Variants in UNC5D observed in about 807,000 individuals in gnomAD.
UNC5D encodes netrin receptor UNC5D.
A neutral mutation model predicts 105.4 loss-of-function variants in UNC5D; 39 were observed. That is an observed-to-expected ratio of 0.37 (90% CI 0.29 to 0.48). The LOEUF is 0.48. Among genes scored for constraint, UNC5D ranks in the 20% least tolerant of loss-of-function variants. UNC5D has a pLI of 0.98. For synonymous variants in UNC5D, 452 were observed against 450.4 expected, an observed-to-expected ratio of 1.00 and a Z score of -0.04; for missense variants, 991 against 1,202.4, an observed-to-expected ratio of 0.82 and a Z score of 2.60.
intron 1 of UNC5D, among the ~76,000 whole-genome samples, chr8:35,391,292 C>T (rs1803756599): frequency 6.6e-6 from 1 of 152,204 alleles, no homozygotes; most frequent in African/African-American, 2.4e-5. Context: ...CATCATTTCT[C>T]AGCTCCAGAT....
chr8:35,408,413 A>G (rs1804946080), intron 1 of UNC5D, among the ~76,000 whole-genome samples: 1 of 151,408 alleles, frequency 6.6e-6, no homozygotes, highest in Non-Finnish European at 1.5e-5. Flanking sequence ...CACATCAGGA[A>G]AAATGCAAAG....
At chr8:35,330,250 C>A (rs1810508766) in intron 1 of UNC5D, among the ~76,000 whole-genome samples, 1 of 152,232 alleles carries the variant, frequency 6.6e-6, no homozygotes, top group South Asian at 2.1e-4. Context: ...TCAATAAATG[C>A]CTCTTAGGTG....
intron 7 of UNC5D, among the ~76,000 whole-genome samples, chr8:35,687,191 C>T (rs1451818294): frequency 6.6e-6 from 1 of 152,174 alleles, no homozygotes; most frequent in African/African-American, 2.4e-5. Flanking sequence ...CGCCTGTAAT[C>T]CCAGCACTTT....
intron 1 of UNC5D, among the ~76,000 whole-genome samples, chr8:35,251,086 A>G (rs897598451): frequency 1.3e-5 from 2 of 152,110 alleles, no homozygotes; most frequent in Admixed American, 6.5e-5. Flanking sequence ...ATGACCGCCA[A>G]TGGTTCACCT....
At chr8:35,285,004 T>G (rs944544597) in intron 1 of UNC5D, among the ~76,000 whole-genome samples, 3 of 152,202 alleles carry the variant, frequency 2.0e-5, no homozygotes, top group Admixed American at 2.0e-4. Flanking sequence ...GATTTTAGAA[T>G]AGACTCATTC....
At chr8:35,454,944 T>G (rs1808386861) in intron 1 of UNC5D, among the ~76,000 whole-genome samples, 1 of 152,178 alleles carries the variant, frequency 6.6e-6, no homozygotes, top group Non-Finnish European at 1.5e-5. Context: ...CAAATGAAAT[T>G]TATCCCTTGT....
chr8:35,580,418 C>T (rs1235900754), intron 3 of UNC5D, among the ~76,000 whole-genome samples: 1 of 151,864 alleles, frequency 6.6e-6, no homozygotes, highest in African/African-American at 2.4e-5. Flanking sequence ...CCTTAGTCCT[C>T]AGCTCTCAAA....
intron 1 of UNC5D, among the ~76,000 whole-genome samples, chr8:35,545,327 C>CT (rs1244848661): frequency 6.6e-6 from 1 of 152,192 alleles, no homozygotes; most frequent in African/African-American, 2.4e-5. Flanking sequence ...CTTCCCTATC[C>CT]TTCCCTTTTA....
intron 1 of UNC5D, among the ~76,000 whole-genome samples, chr8:35,480,206 A>G (rs1810388264): frequency 6.6e-6 from 1 of 152,220 alleles, no homozygotes; most frequent in Non-Finnish European, 1.5e-5. Flanking sequence ...TCTTAACAGT[A>G]TATGGTTCCA....
intron 4 of UNC5D, among the ~76,000 whole-genome samples, chr8:35,612,731 T>TTC (rs1586250584): frequency 1.4e-5 from 2 of 145,090 alleles, no homozygotes; most frequent in East Asian, 4.0e-4. Flanking sequence ...GCCTTTTTTT[T>TTC]TTTTTTTTTT....
At chr8:35,397,112 GC>G (rs894269273) in intron 1 of UNC5D, among the ~76,000 whole-genome samples, 7 of 151,792 alleles carry the variant, frequency 4.6e-5, no homozygotes, top group Admixed American at 2.0e-4. Flanking sequence ...CACCATGTTG[GC>G]CAGGCTGGTC....
intron 10 of UNC5D, among the ~76,000 whole-genome samples, chr8:35,728,813 G>C (rs189369102): frequency 6.6e-6 from 1 of 152,150 alleles, no homozygotes; most frequent in African/African-American, 2.4e-5. Flanking sequence ...TGCTTCTGTG[G>C]TCATATCAAA....
Position 35,563,273 on chromosome 8 carries a change from C to T in UNC5D, c.323-4825C>T, listed in dbSNP as rs72634944. 8.8e-3 allele frequency among the ~76,000 whole-genome samples: 1,243 copies of T among 141,744 alleles called. 6 individuals carry two copies. Among genetic ancestry groups the T allele is most frequent in the Middle Eastern group, 0.033 (8 of 244 alleles). 93.0% of individuals were successfully genotyped at this position (141,744 alleles called of 152,430 possible). A position where few individuals can be genotyped will look rare whatever the true frequency, so the allele number is the denominator to read the frequency against. On this transcript the variant is annotated intron_variant, in intron 2 of 16. Coordinates refer to ENST00000404895, the MANE Select transcript of UNC5D (RefSeq NM_080872.4). ...TCTTTACTTTTGTGTATGTCCTCTT[C>T]GATTTCTTTCACCAGAGTTTTATCA... is the stretch of plus-strand genomic sequence containing the variant.
At chr8:35,699,283 G>A (rs952876926) in intron 7 of UNC5D, among the ~76,000 whole-genome samples, 1 of 152,024 alleles carries the variant, frequency 6.6e-6, no homozygotes, top group Admixed American at 6.6e-5. Context: ...GAAAAAAGAG[G>A]GAAGACTACA....
chr8:35,795,309 G>A lies in UNC5D; in HGVS notation c.*4746G>A, dbSNP rs909952674. The A allele has an allele frequency of 2.0e-5, 3 of 152,110 alleles. No individual in the cohort carries two copies. Among genetic ancestry groups the A allele is most frequent in the African/African-American group, 7.2e-5 (3 of 41,436 alleles). The allele number at this position is 152,110 out of a possible 1,614,324, so 9.4% of individuals were successfully genotyped here. ...CTTTCACAAAAGGCATGATTACAAT[G>A]GAAATGCCCCTTTGCCTCCAGTTTT... On this transcript the variant is annotated 3_prime_UTR_variant, in exon 17 of 17. Coordinates refer to ENST00000404895, the MANE Select transcript of UNC5D (RefSeq NM_080872.4).
At chr8:35,291,562 G>A (rs536539930) in intron 1 of UNC5D, among the ~76,000 whole-genome samples, 1 of 152,262 alleles carries the variant, frequency 6.6e-6, no homozygotes, top group Non-Finnish European at 1.5e-5. Context: ...GAAAACTGAA[G>A]ATTTCATTCT....
Position 35,578,240 on chromosome 8 carries a change from AAAAG to A in UNC5D, c.466+10007_466+10010del, listed in dbSNP as rs1249580888. Among the ~76,000 whole-genome samples, 25 of 146,316 alleles carry A rather than the reference AAAAG, an allele frequency of 1.7e-4. 1 individual carries two copies. The South Asian group carries it at 3.0e-3, about 17-fold the overall frequency. On this transcript the variant is annotated intron_variant, in intron 3 of 16. Transcript: ENST00000404895. Reference sequence around the variant, plus strand: ...AACTCTGTCTCAAAAAAAAAAAAAAAAAAGAAAGAAAAAAGAAAAACTCTGTCTC... The same window carrying A: ...AACTCTGTCTCAAAAAAAAAAAAAAAAAAGAAAAAAGAAAAACTCTGTCTC...
intron 4 of UNC5D, among the ~76,000 whole-genome samples, chr8:35,666,153 C>T (rs1485606195): frequency 1.3e-5 from 2 of 151,772 alleles, no homozygotes; most frequent in African/African-American, 2.4e-5. Context: ...ATGAGGGTTG[C>T]ATGGGAATTT....
At chr8:35,405,247 T>A (rs1201658178) in intron 1 of UNC5D, among the ~76,000 whole-genome samples, 1 of 151,914 alleles carries the variant, frequency 6.6e-6, no homozygotes, top group Non-Finnish European at 1.5e-5. Context: ...CAAGGTTGGG[T>A]GTATGGGGAG....
Sources: gnomAD v4.1 joint callset for allele counts (sites outside exome capture counted in the v4.1 genomes callset) on GRCh38, gnomAD v4.1.1 for gene constraint, MANE v1.5 for transcripts, NCBI Gene and HGNC (gene_info 2026-07-23, HGNC 2026-07-21) for gene names.